Variants in CSNK1A1 observed in about 807,000 individuals in gnomAD.
The protein encoded by CSNK1A1 is casein kinase 1 alpha 1, also known as casein kinase I isoform alpha.
A neutral mutation model predicts 46.1 loss-of-function variants in CSNK1A1; 7 were observed. That is an observed-to-expected ratio of 0.15 (90% CI 0.09 to 0.29). The LOEUF (loss-of-function observed/expected upper bound fraction) is 0.29. CSNK1A1 is among the 10% of genes least tolerant of loss of function. CSNK1A1 has a pLI of 1.00. For missense variants in CSNK1A1, 96 were observed against 417.1 expected (o/e 0.23, Z 6.71); for synonymous variants, 137 against 141.5 (o/e 0.97, Z 0.23).
chr5:149,499,054 G>C (rs1424020723), intron 9 of CSNK1A1: 3 of 985,236 alleles, frequency 3.0e-6, no homozygotes, highest in Non-Finnish European at 3.6e-6. Context: ...TCCAGCCAGG[G>C]ATCAACATTT....
chr5:149,502,775 T>G (rs2113059349), intron 9 of CSNK1A1: 1 of 977,722 alleles, frequency 1.0e-6, no homozygotes, highest in East Asian at 1.1e-4. Flanking sequence ...AGTTCCTTTT[T>G]TTTTTTTTTT....
chr5:149,506,336 A>G (rs910817798), intron 8 of CSNK1A1, among the ~76,000 whole-genome samples: 1 of 152,116 alleles, frequency 6.6e-6, no homozygotes, highest in African/African-American at 2.4e-5. Context: ...TCCCAGGTTC[A>G]AGAGATTCTC....
At chr5:149,541,889 T>C (rs1230923838) in intron 2 of CSNK1A1, among the ~76,000 whole-genome samples, 1 of 143,270 alleles carries the variant, frequency 7.0e-6, no homozygotes, top group African/African-American at 2.6e-5. Context: ...GAGAATCACT[T>C]GAACCTGGGA....
intron 9 of CSNK1A1, chr5:149,504,326 AAGTATCTTC>A (rs2113064098): frequency 1.0e-6 from 1 of 982,466 alleles, no homozygotes; most frequent in South Asian, 4.7e-5. Flanking sequence ...ATTTCTTGAA[AAGTATCTTC>A]AGATTAGAAT....
rs1334373215 is a variant in CSNK1A1, at chr5:149,495,640, T to A, written c.*1213A>T. On this transcript the variant is annotated 3_prime_UTR_variant, in exon 10 of 10. Transcript: ENST00000377843. Reference sequence around the variant, plus strand: ...AATGTTTTGTAGGGAAACCCTTTAATGCTTTCATTTTTATTCAAAATCAGT... The same window carrying A: ...AATGTTTTGTAGGGAAACCCTTTAAAGCTTTCATTTTTATTCAAAATCAGT... 1.3e-5 allele frequency: 2 copies of A among 151,908 alleles called. No individual in the cohort carries two copies. The highest frequency in any genetic ancestry group is 4.9e-5 in the African/African-American group (2 of 41,210). 9.4% of individuals were successfully genotyped at this position (151,908 alleles called of 1,614,324 possible).
chr5:149,531,356 G>T (rs1761890566), intron 2 of CSNK1A1, among the ~76,000 whole-genome samples: 1 of 149,778 alleles, frequency 6.7e-6, no homozygotes, highest in Non-Finnish European at 1.5e-5. Flanking sequence ...CCAACATGGA[G>T]AAATCCCATC....
chr5:149,536,789 T>G (rs1228544754), intron 2 of CSNK1A1, among the ~76,000 whole-genome samples: 1 of 152,176 alleles, frequency 6.6e-6, no homozygotes, highest in East Asian at 1.9e-4. Context: ...TAAAAAGTAG[T>G]CCAGTAAATC....
At chr5:149,544,143 G>A (rs1248397292) in intron 2 of CSNK1A1, among the ~76,000 whole-genome samples, 1 of 152,138 alleles carries the variant, frequency 6.6e-6, no homozygotes, top group Non-Finnish European at 1.5e-5. Flanking sequence ...AAATGGAAAT[G>A]AGTATTTAGC....
Sources: allele counts gnomAD v4.1 joint callset (sites outside exome capture counted in the v4.1 genomes callset), GRCh38; gene constraint gnomAD v4.1.1; transcripts MANE v1.5; gene names NCBI Gene and HGNC (gene_info 2026-07-23, HGNC 2026-07-21).